CBY2: variants seen among roughly 807,000 people sequenced by gnomAD.
CBY2 encodes chibby family member 2, also known as protein chibby homolog 2.
CBY2 carries 23 observed loss-of-function variants against 25.3 expected under a neutral mutation model. The observed-to-expected ratio is 0.91, with a 90% CI of 0.65 to 1.29. CBY2 has a LOEUF of 1.29. CBY2 is among the 50% of genes most tolerant of loss of function. The pLI is 0.00. For synonymous variants in CBY2, 279 were observed against 260.2 expected, an observed-to-expected ratio of 1.07 and a Z score of -0.70; for missense variants, 642 against 590.7, an observed-to-expected ratio of 1.09 and a Z score of -0.90.
chr13:45,706,573 T>C (rs1298049810), intron 2 of CBY2, among the ~76,000 whole-genome samples: 3 of 152,208 alleles, frequency 2.0e-5, no homozygotes, highest in African/African-American at 7.2e-5. Flanking sequence ...ACCTTTTTCT[T>C]TCCTACCTAC....
At chr13:45,702,714 C>G in intron 1 of CBY2, 61 bp from the exon 2 acceptor site, 3 of 1,336,398 alleles carry the variant, frequency 2.2e-6, no homozygotes, top group Middle Eastern at 1.8e-4. Flanking sequence ...TTTAGGCGAG[C>G]AATTGAGGCC....
chr13:45,714,057 G>A lies in CBY2; in HGVS notation c.1032G>A (p.Lys344=). Residue 344 remains lysine (K), a synonymous_variant, in exon 3 of 3, where the codon AAG becomes AAA. Transcript: ENST00000310521. ...MSGPSGEEEA[K]VGPGLPDGCQ... ...GGCCCTCCGGGGAGGAGGAGGCCAAGGTGGGCCCGGGCCTGCCCGACGGCT... is the reference window on the plus strand; with the variant it reads ...GGCCCTCCGGGGAGGAGGAGGCCAAAGTGGGCCCGGGCCTGCCCGACGGCT... 5 of 1,507,140 alleles carry A rather than the reference G, an allele frequency of 3.3e-6. No individual in the cohort carries two copies. Among genetic ancestry groups the A allele is most frequent in the Non-Finnish European group, 4.4e-6 (5 of 1,126,718 alleles). The allele number at this position is 1,507,140 out of a possible 1,614,324, so 93.4% of individuals were successfully genotyped here.
chr13:45,709,776 G>A lies in CBY2; in HGVS notation c.157-3406G>A, dbSNP rs111308203. On this transcript the variant is annotated intron_variant, in intron 2 of 2. Coordinates refer to ENST00000310521, the MANE Select transcript of CBY2 (RefSeq NM_152719.3). ...ATTAGACTATTCTCTCTCTTTTTGT[G>A]TATGTTTGAAATTTTCCATCATATA... 3.3e-5 allele frequency among the ~76,000 whole-genome samples: 5 copies of A among 152,256 alleles called. 1 individual carries two copies. Among genetic ancestry groups the A allele is most frequent in the East Asian group, 1.9e-4 (1 of 5,178 alleles).
At position 45,714,079 on chromosome 13, in the gene CBY2, G is replaced by T. The variant is rs778108248; in HGVS notation, c.1054G>T (p.Gly352Cys). ...EAKVGPGLPD[G>C]CQPLQLLREM... is the part of the protein sequence containing the mutation. ...CAAGGTGGGCCCGGGCCTGCCCGAC[G>T]GCTGCCAGCCCCTGCAGCTGCTGAG... is the stretch of plus-strand genomic sequence containing the variant. Residue 352 changes from glycine (G) to cysteine (C), a missense_variant, in exon 3 of 3, where the codon GGC becomes TGC. Coordinates refer to ENST00000310521, the MANE Select transcript of CBY2 (RefSeq NM_152719.3). 3.9e-6 allele frequency: 6 copies of T among 1,529,964 alleles called. No individual in the cohort carries two copies. The African/African-American group carries it at 8.3e-5, about 21-fold the overall frequency. 94.8% of individuals were successfully genotyped at this position (1,529,964 alleles called of 1,614,324 possible).
At position 45,714,440 on chromosome 13, in the gene CBY2, C is replaced by T. The variant is rs1950302318; in HGVS notation, c.*68C>T. On this transcript the variant is annotated 3_prime_UTR_variant, in exon 3 of 3. Coordinates refer to ENST00000310521, the MANE Select transcript of CBY2 (RefSeq NM_152719.3). Reference sequence around the variant, plus strand: ...CACTGGGCAAAAGAGAATCCCCTGCCTTCCTTTGTCGTCCTCGCCTTCCCC... The same window carrying T: ...CACTGGGCAAAAGAGAATCCCCTGCTTTCCTTTGTCGTCCTCGCCTTCCCC... 2.2e-6 allele frequency: 3 copies of T among 1,373,722 alleles called. No individual in the cohort carries two copies. Among genetic ancestry groups the T allele is most frequent in the South Asian group, 1.4e-5 (1 of 69,944 alleles). 85.1% of individuals were successfully genotyped at this position (1,373,722 alleles called of 1,614,324 possible).
chr13:45,713,217 C>G lies in CBY2; in HGVS notation c.192C>G (p.Asn64Lys). 1 of 1,613,298 alleles carries G rather than the reference C, an allele frequency of 6.2e-7. No homozygotes were observed. The highest frequency in any genetic ancestry group is 8.5e-7 in the Non-Finnish European group (1 of 1,179,744). The change falls in exon 3 of 3, where the codon AAC becomes AAG. Residue 64 changes from asparagine to lysine, a missense_variant. Coordinates refer to ENST00000310521, the MANE Select transcript of CBY2 (RefSeq NM_152719.3). The surrounding 1 kb of genome is among the most constrained non-coding windows in gnomAD (Gnocchi z 5.0). ...GTAEPFPRLH[N>K]LYSTPRCAQQ... ...CCGAACCCTTCCCGAGGCTCCACAA[C>G]TTGTACAGCACCCCTCGCTGCGCGC... is the stretch of plus-strand genomic sequence containing the variant.
rs780972113 is a variant in CBY2, at chr13:45,713,459, C to T, written c.434C>T (p.Pro145Leu). The change falls in exon 3 of 3, where the codon CCC becomes CTC. Residue 145 changes from proline (P) to leucine (L), a missense_variant. By Grantham distance (98) the Pro-to-Leu change is moderately conservative (BLOSUM62 -3). Coordinates refer to ENST00000310521, the MANE Select transcript of CBY2 (RefSeq NM_152719.3). The surrounding 1 kb of genome is among the most constrained non-coding windows in gnomAD (Gnocchi z 5.0). ...AATGAGAACTGCCGCCTGCAGTCTC[C>T]CTACTTCTCCCCATCCGCCTCCTTC... Reference protein sequence around the residue: ...WVNENCRLQSPYFSPSASFHH... With the variant: ...WVNENCRLQSLYFSPSASFHH... 1 of 1,614,224 alleles carries T rather than the reference C, an allele frequency of 6.2e-7. No homozygotes were observed. The highest frequency in any genetic ancestry group is 1.1e-5 in the South Asian group (1 of 91,086).
At chr13:45,703,517 C>A in intron 2 of CBY2, 1 of 1,550,840 alleles carries the variant, frequency 6.4e-7, no homozygotes, top group Non-Finnish European at 8.7e-7. Context: ...CCAGAGTCAC[C>A]TAAGTCCTCA....
At position 45,713,006 on chromosome 13, in the gene CBY2, A is replaced by T. The variant is rs1389924792; in HGVS notation, c.157-176A>T. Among the ~76,000 whole-genome samples the T allele has an allele frequency of 3.3e-5, 5 of 152,220 alleles. No homozygotes were observed. Among genetic ancestry groups the T allele is most frequent in the African/African-American group, 1.2e-4 (5 of 41,434 alleles). On this transcript the variant is annotated intron_variant, in intron 2 of 2. Coordinates refer to ENST00000310521, the MANE Select transcript of CBY2 (RefSeq NM_152719.3). This position sits in a 1 kb window ranked among gnomAD's most constrained non-coding sequence, Gnocchi z 5.0. ...GACTTCATAGAACAGAACTCACTGGAATGACAAGGATAGGCCACATTTCCT... is the reference window on the plus strand; with the variant it reads ...GACTTCATAGAACAGAACTCACTGGTATGACAAGGATAGGCCACATTTCCT...
Position 45,713,090 on chromosome 13 carries a change from G to A in CBY2, c.157-92G>A, listed in dbSNP as rs2137510957. On this transcript the variant is annotated intron_variant, in intron 2 of 2. Coordinates refer to ENST00000310521, the MANE Select transcript of CBY2 (RefSeq NM_152719.3). The surrounding 1 kb of genome is among the most constrained non-coding windows in gnomAD (Gnocchi z 5.0). ...TGGCCAGGCCAGACAATCAGACGGG[G>A]CTTATTTGGGGATGTCCTGGCCCCT... 1.9e-6 allele frequency: 2 copies of A among 1,037,360 alleles called. No homozygotes were observed. Among genetic ancestry groups the A allele is most frequent in the Admixed American group, 5.4e-5 (2 of 36,726 alleles). The allele number at this position is 1,037,360 out of a possible 1,614,324, so 64.3% of individuals were successfully genotyped here. A position where few individuals can be genotyped will look rare whatever the true frequency, so the allele number is the denominator to read the frequency against.
intron 2 of CBY2, among the ~76,000 whole-genome samples, chr13:45,709,976 A>G (rs1593356119): frequency 6.6e-6 from 1 of 152,194 alleles, no homozygotes; most frequent in African/African-American, 2.4e-5. Context: ...CAGTTTCTCC[A>G]TCTGTAAAAT....
intron 2 of CBY2, chr13:45,703,494 G>A: frequency 6.5e-7 from 1 of 1,550,172 alleles, no homozygotes; most frequent in Non-Finnish European, 8.7e-7. Context: ...ACAAAGGGGT[G>A]GCTTTGCTTT....
chr13:45,709,092 A>G (rs1950254841), intron 2 of CBY2, among the ~76,000 whole-genome samples: 1 of 152,206 alleles, frequency 6.6e-6, no homozygotes, highest in African/African-American at 2.4e-5. Flanking sequence ...ACTGGACCAG[A>G]GACAGTTAGG....
At chr13:45,703,166 C>G in intron 2 of CBY2, 1 of 1,257,396 alleles carries the variant, frequency 8.0e-7, no homozygotes, top group Non-Finnish European at 1.0e-6. Flanking sequence ...TCTTTTGGTG[C>G]TTAGTGTTGT....
chr13:45,710,488 A>C (rs1460003938), intron 2 of CBY2, among the ~76,000 whole-genome samples: 1 of 152,146 alleles, frequency 6.6e-6, no homozygotes, highest in African/African-American at 2.4e-5. Context: ...GTACCACTGC[A>C]CTCCAGCCTG....
chr13:45,709,841 G>C (rs986364471), intron 2 of CBY2, among the ~76,000 whole-genome samples: 2 of 152,272 alleles, frequency 1.3e-5, no homozygotes, highest in Admixed American at 1.3e-4. Context: ...AAGTACTGCA[G>C]GACTTTTGAT....
rs1950214260 is a variant in CBY2 at position 45,702,358 on chromosome 13, C to T, written c.-33C>T. The T allele has an allele frequency of 6.3e-7, 1 of 1,585,198 alleles. No homozygotes were observed. Among genetic ancestry groups the T allele is most frequent in the South Asian group, 1.1e-5 (1 of 90,406 alleles). On this transcript the variant is annotated 5_prime_UTR_variant, in exon 1 of 3. Coordinates refer to ENST00000310521, the MANE Select transcript of CBY2 (RefSeq NM_152719.3). ...CCACCTGTGATGCTCAGAGAGAAAC[C>T]ATGAGCCCTGAAAAACACCATATTG... is the stretch of plus-strand genomic sequence containing the variant.
intron 2 of CBY2, among the ~76,000 whole-genome samples, chr13:45,707,670 C>G (rs6561248): frequency 0.81 from 122,824 of 152,194 alleles, 50,105 homozygotes; most frequent in Non-Finnish European, 0.85. Flanking sequence ...GGGGAGAGGA[C>G]AGGCCTGGTT....
At position 45,713,064 on chromosome 13, in the gene CBY2, G is replaced by A. The variant is rs1950280115; in HGVS notation, c.157-118G>A. Reference sequence around the variant, plus strand: ...ACCCCAAGAAGCAAAAGCGCCCACTGTGGCCAGGCCAGACAATCAGACGGG... The same window carrying A: ...ACCCCAAGAAGCAAAAGCGCCCACTATGGCCAGGCCAGACAATCAGACGGG... On this transcript the variant is annotated intron_variant, in intron 2 of 2. Transcript: ENST00000310521. The surrounding 1 kb of genome is among the most constrained non-coding windows in gnomAD (Gnocchi z 5.0). 1 of 812,934 alleles carries A rather than the reference G, an allele frequency of 1.2e-6. No homozygotes were observed. Among genetic ancestry groups the A allele is most frequent in the South Asian group, 1.8e-5 (1 of 54,500 alleles). 50.4% of individuals were successfully genotyped at this position (812,934 alleles called of 1,614,324 possible).
Sources: allele counts gnomAD v4.1 joint callset (sites outside exome capture counted in the v4.1 genomes callset), GRCh38; gene constraint gnomAD v4.1.1; non-coding constraint Gnocchi (gnomAD v3.1); transcripts MANE v1.5; gene names NCBI Gene and HGNC (gene_info 2026-07-23, HGNC 2026-07-21).